Variants in YTHDF2 observed in about 807,000 individuals in gnomAD.
YTHDF2 encodes the protein YTH N6-methyladenosine RNA binding protein F2, also known as YTH domain-containing family protein 2.
In YTHDF2, 2 loss-of-function variants were observed where a neutral mutation model predicts 50.4. The ratio of observed to expected loss-of-function variants is 0.04; its 90% CI spans 0.02 to 0.12. YTHDF2 has a LOEUF of 0.12. YTHDF2 is among the 10% of genes least tolerant of loss of function. YTHDF2 has a pLI of 1.00. For synonymous variants in YTHDF2, 217 were observed against 255.6 expected, an observed-to-expected ratio of 0.85 and a Z score of 1.44; for missense variants, 483 against 722.6, an observed-to-expected ratio of 0.67 and a Z score of 3.80.
Position 28,742,657 on chromosome 1 carries a change from T to G in YTHDF2, c.387T>G (p.Ile129Met), listed in dbSNP as rs1230753372. 1 of 1,614,166 alleles carries G rather than the reference T, an allele frequency of 6.2e-7. No homozygotes were observed. The highest frequency in any genetic ancestry group is 1.7e-5 in the Admixed American group (1 of 59,998). Residue 129 changes from isoleucine (I) to methionine (M), a missense_variant, in exon 4 of 5, where the codon ATT (isoleucine) becomes ATG (methionine). By Grantham distance (10) the Ile-to-Met change is conservative (BLOSUM62 1). Coordinates refer to ENST00000373812, the MANE Select transcript of YTHDF2 (RefSeq NM_016258.3). Reference sequence around the variant, plus strand: ...GTTTTAATTTCTTTCCCAGTGGGATTGACTTCTCAGCATGGGGAAATAACA... The same window carrying G: ...GTTTTAATTTCTTTCCCAGTGGGATGGACTTCTCAGCATGGGGAAATAACA... Reference protein sequence around the residue: ...QHGFNFFPSGIDFSAWGNNSS... With the variant: ...QHGFNFFPSGMDFSAWGNNSS...
chr1:28,757,735 CAAAA>C (rs550491608), intron 4 of YTHDF2, among the ~76,000 whole-genome samples: 3 of 151,654 alleles, frequency 2.0e-5, no homozygotes, highest in African/African-American at 4.8e-5. Context: ...GCGTAGAAAA[CAAAA>C]GAAATCACCT....
chr1:28,737,779 G>C, intron 2 of YTHDF2, 97 bp downstream of exon 2: 2 of 1,480,692 alleles, frequency 1.4e-6, no homozygotes. Context: ...GGACCTTTCG[G>C]AAGCCGCTTA....
At chr1:28,748,313 C>T (rs1570468265) in intron 4 of YTHDF2, among the ~76,000 whole-genome samples, 1 of 152,196 alleles carries the variant, frequency 6.6e-6, no homozygotes, top group South Asian at 2.1e-4. Flanking sequence ...AAAGAACAAG[C>T]AGGTTTTATG....
chr1:28,738,449 TTTTCTGTTTTTTTGAGAC>T (rs1460355127), intron 3 of YTHDF2, 111 bp downstream of exon 3: 1 of 1,027,678 alleles, frequency 9.7e-7, no homozygotes, highest in African/African-American at 1.6e-5. Flanking sequence ...CTTTTTTCTG[TTTTCTGTTTTTTTGAGAC>T]TGAGTCTCGC....
chr1:28,738,166 T>TACTA (rs2087723663), intron 2 of YTHDF2, 93 bp from the exon 3 acceptor site: 1 of 952,428 alleles, frequency 1.0e-6, no homozygotes, highest in South Asian at 1.4e-5. Context: ...CTTTGTTAAC[T>TACTA]AGTAAGGTTT....
chr1:28,762,806 A>G (rs2088155329), intron 4 of YTHDF2, among the ~76,000 whole-genome samples: 1 of 152,146 alleles, frequency 6.6e-6, no homozygotes, highest in African/African-American at 2.4e-5. Context: ...TATTTCCTCC[A>G]GAGACTGAAT....
chr1:28,743,082 A>G lies in YTHDF2; in HGVS notation c.812A>G (p.His271Arg). 6.2e-7 allele frequency: 1 copy of G among 1,614,190 alleles called. No homozygotes were observed. The highest frequency in any genetic ancestry group is 8.5e-7 in the Non-Finnish European group (1 of 1,180,036). The change falls in exon 4 of 5, where the codon CAT (histidine) becomes CGT (arginine). Residue 271 changes from histidine (H) to arginine (R), a missense_variant. Physicochemically the swap from His to Arg is conservative, Grantham distance 29. Coordinates refer to ENST00000373812, the MANE Select transcript of YTHDF2 (RefSeq NM_016258.3). The surrounding 1 kb of genome is among the most constrained non-coding windows in gnomAD (Gnocchi z 6.9). ...AGTCTTCCGCCACCCCCGATAAAGC[A>G]TAACATGGATATTGGAACTTGGGAT... Reference protein sequence around the residue: ...GSSLPPPPIKHNMDIGTWDNK... With the variant: ...GSSLPPPPIKRNMDIGTWDNK...
At chr1:28,749,986 G>GGTTTTTTT (rs762743600) in intron 4 of YTHDF2, among the ~76,000 whole-genome samples, 3 of 78,332 alleles carry the variant, frequency 3.8e-5, no homozygotes, top group Non-Finnish European at 6.7e-5. Flanking sequence ...AAAAAAGGTT[G>GGTTTTTTT]TTTTTTTTTT....
chr1:28,739,050 T>A (rs2087738447), intron 3 of YTHDF2: 1 of 152,156 alleles, frequency 6.6e-6, no homozygotes, highest in Admixed American at 6.6e-5. Context: ...CAGAGAACTT[T>A]GGATTCATAT....
At chr1:28,737,219 G>A in intron 1 of YTHDF2, 72 bp downstream of exon 1, 1 of 1,498,034 alleles carries the variant, frequency 6.7e-7, no homozygotes. Context: ...CGGGCCCGCC[G>A]CTCCTGGGCA....
Position 28,742,642 on chromosome 1 carries a change from C to A in YTHDF2, c.372C>A (p.Phe124Leu). 1 of 1,614,108 alleles carries A rather than the reference C, an allele frequency of 6.2e-7. No homozygotes were observed. Among genetic ancestry groups the A allele is most frequent in the Non-Finnish European group, 8.5e-7 (1 of 1,180,000 alleles). ...TPFLGQHGFN[F>L]FPSGIDFSAW... ...TTCTTGGTCAGCATGGTTTTAATTT[C>A]TTTCCCAGTGGGATTGACTTCTCAG... Residue 124 changes from phenylalanine (F) to leucine (L), a missense_variant, in exon 4 of 5, where the codon TTC (phenylalanine) becomes TTA (leucine). Transcript: ENST00000373812.
chr1:28,753,030 A>G (rs1209395837), intron 4 of YTHDF2, among the ~76,000 whole-genome samples: 1 of 152,028 alleles, frequency 6.6e-6, no homozygotes, highest in African/African-American at 2.4e-5. Flanking sequence ...GGGTGACAGC[A>G]GGAGACTGTC....
intron 4 of YTHDF2, among the ~76,000 whole-genome samples, chr1:28,758,265 C>T (rs1185710486): frequency 6.6e-6 from 1 of 152,032 alleles, no homozygotes; most frequent in Non-Finnish European, 1.5e-5. Flanking sequence ...ACCTGGGAGG[C>T]TGAGGTGGAA....
chr1:28,751,089 T>TAAAAAAAAA (rs1557545318), intron 4 of YTHDF2, among the ~76,000 whole-genome samples: 2 of 19,052 alleles, frequency 1.0e-4, no homozygotes, highest in Non-Finnish European at 2.1e-4. Flanking sequence ...CGAGACTGTC[T>TAAAAAAAAA]CAAAAAAAAA....
chr1:28,768,575 G>A (rs754697069), intron 4 of YTHDF2, among the ~76,000 whole-genome samples: 6 of 152,114 alleles, frequency 3.9e-5, no homozygotes, highest in Admixed American at 3.3e-4. Flanking sequence ...TAACACTCTA[G>A]TGTACTATGT....
intron 4 of YTHDF2, among the ~76,000 whole-genome samples, chr1:28,765,141 A>G (rs766695238): frequency 6.6e-6 from 1 of 151,802 alleles, no homozygotes; most frequent in East Asian, 2.0e-4. Flanking sequence ...AGCTGGGACT[A>G]TAGGTGTGTG....
intron 4 of YTHDF2, among the ~76,000 whole-genome samples, chr1:28,762,643 G>T (rs2088153540): frequency 6.6e-6 from 1 of 152,180 alleles, no homozygotes; most frequent in African/African-American, 2.4e-5. Context: ...AAAGTGAAGG[G>T]AGAGGGAGGG....
chr1:28,754,926 G>A (rs1449565435), intron 4 of YTHDF2, among the ~76,000 whole-genome samples: 3 of 139,766 alleles, frequency 2.1e-5, no homozygotes, highest in African/African-American at 2.7e-5. Flanking sequence ...ACAGTGAGCC[G>A]AGATCGCAAC....
intron 4 of YTHDF2, among the ~76,000 whole-genome samples, chr1:28,761,461 G>T (rs1435708310): frequency 6.6e-6 from 1 of 152,130 alleles, no homozygotes; most frequent in Non-Finnish European, 1.5e-5. Context: ...TTTCTGGCTG[G>T]TGCGGTGGCC....
Sources: allele counts gnomAD v4.1 joint callset (sites outside exome capture counted in the v4.1 genomes callset), GRCh38; gene constraint gnomAD v4.1.1; non-coding constraint Gnocchi (gnomAD v3.1); transcripts MANE v1.5; gene names NCBI Gene and HGNC (gene_info 2026-07-23, HGNC 2026-07-21).